The following GRIK1 variants were observed in gnomAD, a reference collection of about 807,000 sequenced individuals.
The protein encoded by GRIK1 is glutamate ionotropic receptor kainate type subunit 1, also known as glutamate receptor ionotropic, kainate 1.
In GRIK1, 69 loss-of-function variants were observed where a neutral mutation model predicts 105.7. The ratio of observed to expected loss-of-function variants is 0.65; its 90% CI spans 0.54 to 0.80. The LOEUF is 0.80. Among genes scored for constraint, GRIK1 ranks in the 30% least tolerant of loss-of-function variants. The pLI, the probability that GRIK1 is intolerant of heterozygous loss-of-function variation, is 0.00. For missense variants in GRIK1, 1,109 were observed against 1,167.3 expected, an observed-to-expected ratio of 0.95 and a Z score of 0.73; for synonymous variants, 438 against 431.3, an observed-to-expected ratio of 1.02 and a Z score of -0.19.
intron 6 of GRIK1, 71 bp from the exon 7 acceptor site, chr21:29,643,040 C>A (rs1280049966): frequency 4.2e-6 from 6 of 1,431,042 alleles, no homozygotes; most frequent in Middle Eastern, 1.8e-4. Flanking sequence ...CATAATCACT[C>A]TCCCTGCTTC....
chr21:29,652,306 A>T (rs1458177044), intron 5 of GRIK1, among the ~76,000 whole-genome samples: 1 of 152,174 alleles, frequency 6.6e-6, no homozygotes, highest in Admixed American at 6.5e-5. Flanking sequence ...TGAAAACTGC[A>T]TATGCATTTG....
At chr21:29,601,233 A>G (rs369760646) in intron 7 of GRIK1, 26 of 511,346 alleles carry the variant, frequency 5.1e-5, no homozygotes, top group African/African-American at 4.8e-4. Flanking sequence ...CTGACAGCTG[A>G]AACAGCGGCC....
chr21:29,867,886 A>G (rs8131651), intron 1 of GRIK1, among the ~76,000 whole-genome samples: 33 of 129,106 alleles, frequency 2.6e-4, no homozygotes, highest in East Asian at 1.3e-3. Context: ...AAGAGAGAGA[A>G]AGAGAGAGAG....
chr21:29,898,121 A>C (rs921034656), intron 1 of GRIK1, among the ~76,000 whole-genome samples: 1 of 152,212 alleles, frequency 6.6e-6, no homozygotes, highest in African/African-American at 2.4e-5. Flanking sequence ...GGTGAATATC[A>C]CAAGAATCCT....
intron 7 of GRIK1, among the ~76,000 whole-genome samples, chr21:29,633,073 A>G (rs2062317181): frequency 2.0e-5 from 3 of 152,204 alleles, no homozygotes; most frequent in Non-Finnish European, 4.4e-5. Context: ...AATCTTATAA[A>G]GGGGCTGGAG....
intron 1 of GRIK1, among the ~76,000 whole-genome samples, chr21:29,790,620 T>C (rs986418547): frequency 6.6e-6 from 1 of 151,908 alleles, no homozygotes; most frequent in Non-Finnish European, 1.5e-5. Flanking sequence ...CATGCCTGTA[T>C]TTTTGTATTT....
intron 1 of GRIK1, among the ~76,000 whole-genome samples, chr21:29,795,326 G>A (rs943562831): frequency 7.2e-5 from 11 of 151,930 alleles, no homozygotes; most frequent in African/African-American, 2.4e-4. Flanking sequence ...ATGAGCCACC[G>A]TGCCCAGTCT....
chr21:29,538,017 A>G (rs1295105609), intron 16 of GRIK1, 133 bp from the exon 17 acceptor site: 2 of 612,534 alleles, frequency 3.3e-6, no homozygotes, highest in Admixed American at 3.0e-5. Context: ...CACAGCAAAA[A>G]CGATGGCATA....
In GRIK1 at chr21:29,603,444, A is replaced by T. The variant is rs144717346; in HGVS notation, c.1099-4507T>A. ...GGCACTAGCTTTAAAATTGAATGGC[A>T]TATCTTTATGGTCAGTAGTAACACC... On this transcript the variant is annotated intron_variant, in intron 7 of 17. Coordinates refer to ENST00000327783, the MANE Select transcript of GRIK1 (RefSeq NM_001330994.2). Among the ~76,000 whole-genome samples, 427 of 152,232 alleles carry T rather than the reference A, an allele frequency of 2.8e-3. 3 individuals are homozygous for T. The highest frequency in any genetic ancestry group is 9.6e-3 in the African/African-American group (399 of 41,510).
At chr21:29,867,900 GAGAAAGAA>G (rs758141898) in intron 1 of GRIK1, among the ~76,000 whole-genome samples, 22 of 124,436 alleles carry the variant, frequency 1.8e-4, no homozygotes, top group South Asian at 8.6e-4. Flanking sequence ...GAGAGAGAGA[GAGAAAGAA>G]AGAGAGAGAA....
intron 1 of GRIK1, among the ~76,000 whole-genome samples, chr21:29,844,987 G>T (rs1367520240): frequency 6.6e-6 from 1 of 152,068 alleles, no homozygotes; most frequent in South Asian, 2.1e-4. Flanking sequence ...TCCACTGTTT[G>T]ATATGAGATG....
In GRIK1 at chr21:29,906,641, CAG is replaced by C. The variant is rs202179518; in HGVS notation, c.118+32740_118+32741del. ...TTAAGAAATAGTTGAAGGCAACAAA[CAG>C]AAAAGAAGAAAAGGATAATTCAGGA... is the stretch of plus-strand genomic sequence containing the variant. On this transcript the variant is annotated intron_variant, in intron 1 of 17. Coordinates refer to ENST00000327783, the MANE Select transcript of GRIK1 (RefSeq NM_001330994.2). Among the ~76,000 whole-genome samples the C allele has an allele frequency of 5.9e-5, 9 of 151,492 alleles. No individual in the cohort carries two copies. In the East Asian group the frequency reaches 1.6e-3, roughly 26 times the overall value.
rs1390699469 is a variant in GRIK1 at position 29,555,052 on chromosome 21, C to G, written c.2607G>C (p.Gln869His). The G allele has an allele frequency of 1.2e-6, 2 of 1,606,942 alleles. No individual in the cohort carries two copies. The highest frequency in any genetic ancestry group is 1.7e-6 in the Non-Finnish European group (2 of 1,174,056). The part of the protein sequence containing the change: ...YKSRKNNDIE[Q>H]KGKSSRIRFY... ...CCAGTCCTAGAAAGAGATGACTCAC[C>G]TGTTCAATATCATTATTCTTCCGTG... is the stretch of plus-strand genomic sequence containing the variant. Residue 869 changes from glutamine to histidine, a missense_variant and splice_region_variant, in exon 16 of 18, where the codon CAG becomes CAC. Coordinates refer to ENST00000327783, the MANE Select transcript of GRIK1 (RefSeq NM_001330994.2).
chr21:29,763,952 T>A (rs989926421), intron 1 of GRIK1: 13 of 151,868 alleles, frequency 8.6e-5, no homozygotes, highest in African/African-American at 2.9e-4. Context: ...CACATCCAAG[T>A]ACTGAATAAA....
At chr21:29,728,611 G>A (rs1399662740) in intron 1 of GRIK1, among the ~76,000 whole-genome samples, 1 of 152,132 alleles carries the variant, frequency 6.6e-6, no homozygotes, top group East Asian at 1.9e-4. Flanking sequence ...GCTTATAAGT[G>A]GAGAATGCAG....
chr21:29,589,193 A>G (rs1010552012), intron 10 of GRIK1, 151 bp from the exon 11 acceptor site: 2 of 604,816 alleles, frequency 3.3e-6, no homozygotes, highest in South Asian at 2.0e-5. Context: ...TATGTCCTCT[A>G]TAAATACAAA....
intron 4 of GRIK1, among the ~76,000 whole-genome samples, chr21:29,668,738 C>A (rs2063107232): frequency 6.6e-6 from 1 of 152,146 alleles, no homozygotes; most frequent in Non-Finnish European, 1.5e-5. Context: ...GCTTTCTTGC[C>A]CTTTGCTTCA....
At chr21:29,635,597 G>A (rs1380177674) in intron 7 of GRIK1, among the ~76,000 whole-genome samples, 2 of 152,322 alleles carry the variant, frequency 1.3e-5, no homozygotes, top group Admixed American at 1.3e-4. Context: ...TGTGACTCCC[G>A]AGTGACAAAA....
chr21:29,863,425 G>A (rs1404732333), intron 1 of GRIK1, among the ~76,000 whole-genome samples: 1 of 152,126 alleles, frequency 6.6e-6, no homozygotes, highest in Non-Finnish European at 1.5e-5. Context: ...TACAAAAAAA[G>A]AGAGGTTTTC....
Sources: allele counts gnomAD v4.1 joint callset (sites outside exome capture counted in the v4.1 genomes callset), GRCh38; gene constraint gnomAD v4.1.1; transcripts MANE v1.5; gene names NCBI Gene and HGNC (gene_info 2026-07-23, HGNC 2026-07-21).